SEMA5A: variants seen among roughly 807,000 people sequenced by gnomAD.
SEMA5A encodes the protein semaphorin 5A, also known as semaphorin-5A.
Under a neutral mutation model 135.5 loss-of-function variants are expected in SEMA5A, and 55 were observed. The observed-to-expected ratio is 0.41, with a 90% CI of 0.33 to 0.51. The LOEUF is 0.51. SEMA5A is among the 20% of genes least tolerant of loss of function. The pLI is 0.37. For missense variants in SEMA5A, 1,290 were observed against 1,419.9 expected (o/e 0.91, Z 1.47); for synonymous variants, 580 against 546.5 (o/e 1.06, Z -0.85).
chr5:9,263,040 G>GAAA, intron 5 of SEMA5A, among the ~76,000 whole-genome samples: 1 of 128,164 alleles, frequency 7.8e-6, no homozygotes, highest in African/African-American at 2.8e-5. Context: ...TCTGTCAATA[G>GAAA]AAAAAAAAAA....
intron 1 of SEMA5A, among the ~76,000 whole-genome samples, chr5:9,528,260 C>G (rs773664612): frequency 3.3e-5 from 5 of 152,180 alleles, no homozygotes; most frequent in Non-Finnish European, 7.3e-5. Flanking sequence ...TTTTTAGCAA[C>G]GAACCCTCAA....
intron 4 of SEMA5A, among the ~76,000 whole-genome samples, chr5:9,320,852 T>C (rs1008877075): frequency 6.6e-6 from 1 of 152,154 alleles, no homozygotes; most frequent in Non-Finnish European, 1.5e-5. Context: ...TTTCACCCAG[T>C]GTGACCTTGA....
At chr5:9,469,571 C>G (rs1759399923) in intron 1 of SEMA5A, among the ~76,000 whole-genome samples, 2 of 152,196 alleles carry the variant, frequency 1.3e-5, no homozygotes, top group African/African-American at 4.8e-5. Context: ...CTCACTCGCT[C>G]CAGGTCATTG....
intron 3 of SEMA5A, among the ~76,000 whole-genome samples, chr5:9,359,305 A>C (rs1754590309): frequency 1.3e-5 from 2 of 152,222 alleles, no homozygotes; most frequent in African/African-American, 4.8e-5. Flanking sequence ...TAAAAGGGGA[A>C]AAATAGTCAC....
At chr5:9,439,103 C>T (rs1456880424) in intron 1 of SEMA5A, among the ~76,000 whole-genome samples, 1 of 152,156 alleles carries the variant, frequency 6.6e-6, no homozygotes, top group African/African-American at 2.4e-5. Flanking sequence ...ACCCTCATAT[C>T]GTGCAGCACG....
intron 2 of SEMA5A, among the ~76,000 whole-genome samples, chr5:9,388,040 C>A (rs1483050001): frequency 6.6e-6 from 1 of 152,194 alleles, no homozygotes; most frequent in Admixed American, 6.5e-5. Flanking sequence ...ACACAGACCA[C>A]TCTTAACTCC....
At chr5:9,265,234 G>A (rs1026613904) in intron 5 of SEMA5A, among the ~76,000 whole-genome samples, 3 of 152,044 alleles carry the variant, frequency 2.0e-5, no homozygotes, top group African/African-American at 4.8e-5. Flanking sequence ...GAACCAGGAG[G>A]GTCTCCAACG....
At chr5:9,524,845 T>A (rs1187045887) in intron 1 of SEMA5A, among the ~76,000 whole-genome samples, 3 of 152,240 alleles carry the variant, frequency 2.0e-5, no homozygotes, top group Non-Finnish European at 4.4e-5. Context: ...TGAAGGGATT[T>A]GAGTGAGGGT....
At chr5:9,105,580 A>C (rs1739867988) in intron 16 of SEMA5A, among the ~76,000 whole-genome samples, 1 of 152,168 alleles carries the variant, frequency 6.6e-6, no homozygotes, top group Non-Finnish European at 1.5e-5. Context: ...ACAATTAAAG[A>C]AATGAGACTA....
intron 11 of SEMA5A, among the ~76,000 whole-genome samples, chr5:9,186,905 A>T (rs1178437804): frequency 6.6e-6 from 1 of 152,176 alleles, no homozygotes; most frequent in Non-Finnish European, 1.5e-5. Flanking sequence ...ATTGAACACC[A>T]GGTCTCACTT....
intron 1 of SEMA5A, among the ~76,000 whole-genome samples, chr5:9,457,596 T>C (rs1758887449): frequency 6.6e-6 from 1 of 152,210 alleles, no homozygotes; most frequent in African/African-American, 2.4e-5. Flanking sequence ...TACCCATCTG[T>C]GCCTCCTTGC....
At chr5:9,212,791 C>T (rs935263417) in intron 8 of SEMA5A, among the ~76,000 whole-genome samples, 5 of 152,172 alleles carry the variant, frequency 3.3e-5, no homozygotes, top group African/African-American at 1.2e-4. Flanking sequence ...AGATGCTGAG[C>T]ACATAAAGCA....
At chr5:9,291,761 CTT>C (rs57416491) in intron 5 of SEMA5A, among the ~76,000 whole-genome samples, 137 of 128,020 alleles carry the variant, frequency 1.1e-3, no homozygotes, top group Admixed American at 1.0e-3. Context: ...CAGCCAAGTT[CTT>C]TTTTTTTTTT....
At chr5:9,197,803 T>C (rs1057350055) in intron 9 of SEMA5A, among the ~76,000 whole-genome samples, 3 of 149,074 alleles carry the variant, frequency 2.0e-5, no homozygotes, top group African/African-American at 7.4e-5. Flanking sequence ...CAGATATTTG[T>C]TTTATTTGTC....
At chr5:9,406,142 GCT>G (rs1423902609) in intron 2 of SEMA5A, among the ~76,000 whole-genome samples, 1 of 152,176 alleles carries the variant, frequency 6.6e-6, no homozygotes, top group Non-Finnish European at 1.5e-5. Context: ...CAACAAACTA[GCT>G]CTGTCTCAGA....
intron 5 of SEMA5A, among the ~76,000 whole-genome samples, chr5:9,302,347 T>C (rs1751651241): frequency 6.6e-6 from 1 of 151,898 alleles, no homozygotes; most frequent in Non-Finnish European, 1.5e-5. Flanking sequence ...CCCAGAAAAA[T>C]AAATAAGGCA....
chr5:9,394,513 C>T (rs1756305206), intron 2 of SEMA5A, among the ~76,000 whole-genome samples: 1 of 152,124 alleles, frequency 6.6e-6, no homozygotes, highest in Non-Finnish European at 1.5e-5. Context: ...ACTCACTGCC[C>T]ACCAAAGTTT....
At chr5:9,344,555 G>A (rs1013527974) in intron 3 of SEMA5A, among the ~76,000 whole-genome samples, 49 of 152,168 alleles carry the variant, frequency 3.2e-4, no homozygotes, top group Admixed American at 3.1e-3. Flanking sequence ...CAGGACATAA[G>A]TGAAGGAGGA....
chr5:9,057,306 AAT>A (rs749282954), intron 18 of SEMA5A, among the ~76,000 whole-genome samples: 2 of 152,258 alleles, frequency 1.3e-5, no homozygotes, highest in Non-Finnish European at 2.9e-5. Flanking sequence ...CGAAAACAAA[AAT>A]AAAAACAGAG....
Sources: gnomAD v4.1 joint callset for allele counts (sites outside exome capture counted in the v4.1 genomes callset) on GRCh38, gnomAD v4.1.1 for gene constraint, MANE v1.5 for transcripts, NCBI Gene and HGNC (gene_info 2026-07-23, HGNC 2026-07-21) for gene names.